The following PCDH11X variants were observed in gnomAD, a reference collection of about 807,000 sequenced individuals.
The protein encoded by PCDH11X is protocadherin 11 X-linked.
Under a neutral mutation model 53.3 loss-of-function variants are expected in PCDH11X, and 18 were observed. That is an observed-to-expected ratio of 0.34 (90% CI 0.23 to 0.50). The LOEUF (loss-of-function observed/expected upper bound fraction) is 0.50. Among genes scored for constraint, PCDH11X ranks in the 20% least tolerant of loss-of-function variants. The probability of loss-of-function intolerance (pLI) is 0.98; values close to 1 mark genes in which losing one functional copy is unlikely to be tolerated. For missense variants in PCDH11X, 570 were observed against 1,032.4 expected (o/e 0.55, Z 6.14); for synonymous variants, 279 against 393.3 (o/e 0.71, Z 3.44).
intron 6 of PCDH11X, among the ~76,000 whole-genome samples, chrX:92,166,127 CACT>C (rs2065727901): frequency 9.3e-6 from 1 of 108,100 alleles, no homozygotes. Flanking sequence ...TATAGCTGAC[CACT>C]GTTTTTTATT....
At position 91,923,473 on chromosome X, in the gene PCDH11X, C is replaced by T. The variant is rs373542014; in HGVS notation, c.3033+44200C>T. Among the ~76,000 whole-genome samples the T allele has an allele frequency of 3.6e-3, 389 of 108,511 alleles. 2 individuals carry two copies. Among genetic ancestry groups the T allele is most frequent in the African/African-American group, 0.013 (372 of 29,737 alleles). 94.2% of individuals were successfully genotyped at this position (108,511 alleles called of 115,157 possible). A position where few individuals can be genotyped will look rare whatever the true frequency, so the allele number is the denominator to read the frequency against. ...TCTCCTGTGCTGGATGCTTCCTGCT[C>T]TTGAATATCAGACTCCAAATTCTTT... On this transcript the variant is annotated intron_variant, in intron 6 of 10. Transcript: ENST00000682573.
At chrX:91,906,340 A>C (rs1383406216) in intron 6 of PCDH11X, among the ~76,000 whole-genome samples, 1 of 110,434 alleles carries the variant, frequency 9.1e-6, no homozygotes, top group African/African-American at 3.3e-5. Context: ...AGTACAGAAG[A>C]CTTCACCTTC....
chrX:91,816,968 A>C (rs984922388), intron 4 of PCDH11X, among the ~76,000 whole-genome samples: 13 of 105,467 alleles, frequency 1.2e-4, no homozygotes, highest in Non-Finnish European at 1.8e-4. Flanking sequence ...TCTTCATACT[A>C]TCTGTATAAG....
At chrX:92,204,073 G>T (rs901094441) in intron 7 of PCDH11X, among the ~76,000 whole-genome samples, 10 of 111,724 alleles carry the variant, frequency 9.0e-5, no homozygotes, top group Non-Finnish European at 9.4e-5. Flanking sequence ...TCCTGAGGCT[G>T]CACAGAGTAA....
At chrX:92,417,032 G>A (rs1303767495) in intron 9 of PCDH11X, among the ~76,000 whole-genome samples, 2 of 110,277 alleles carry the variant, frequency 1.8e-5, no homozygotes, top group Non-Finnish European at 3.8e-5. Context: ...GACAGAGGTG[G>A]GTGGATGACT....
chrX:91,965,633 C>G (rs532224583), intron 6 of PCDH11X, among the ~76,000 whole-genome samples: 1 of 109,016 alleles, frequency 9.2e-6, no homozygotes, highest in South Asian at 4.1e-4. Flanking sequence ...TTCTTTGTCC[C>G]AGCTTAAGAT....
At chrX:92,155,797 T>G (rs1207877280) in intron 6 of PCDH11X, among the ~76,000 whole-genome samples, 1 of 108,672 alleles carries the variant, frequency 9.2e-6, no homozygotes, top group Non-Finnish European at 1.9e-5. Flanking sequence ...CGGCTAATTT[T>G]TTTTGTATTT....
At chrX:92,050,738 G>C (rs1274015460) in intron 6 of PCDH11X, among the ~76,000 whole-genome samples, 1 of 110,331 alleles carries the variant, frequency 9.1e-6, no homozygotes, top group African/African-American at 3.3e-5. Context: ...GTAGTTTCTA[G>C]CAGACAGAGT....
At chrX:92,070,800 T>C (rs1395329079) in intron 6 of PCDH11X, among the ~76,000 whole-genome samples, 1 of 110,811 alleles carries the variant, frequency 9.0e-6, no homozygotes, top group East Asian at 2.8e-4. Context: ...CCAGTAACTC[T>C]TTTTTGTTGT....
chrX:91,846,617 C>CAA (rs1265926166), intron 5 of PCDH11X, among the ~76,000 whole-genome samples: 1 of 81,663 alleles, frequency 1.2e-5, no homozygotes, highest in African/African-American at 4.5e-5. Flanking sequence ...GACTCCATCT[C>CAA]AAAAAAAAAA....
At chrX:91,868,632 T>C (rs1324339995) in intron 5 of PCDH11X, among the ~76,000 whole-genome samples, 3 of 111,929 alleles carry the variant, frequency 2.7e-5, no homozygotes. Context: ...TGACTTCCTT[T>C]ACCTGAGGTT....
chrX:91,967,011 G>T, intron 6 of PCDH11X, among the ~76,000 whole-genome samples: 1 of 85,655 alleles, frequency 1.2e-5, no homozygotes, highest in African/African-American at 4.7e-5. Context: ...GCCCCAATGT[G>T]TGTTGTTCCC....
intron 8 of PCDH11X, among the ~76,000 whole-genome samples, chrX:92,369,510 A>G (rs1014428356): frequency 1.8e-5 from 2 of 110,598 alleles, no homozygotes; most frequent in African/African-American, 6.6e-5. Context: ...CTCCCTTTCC[A>G]GGGGAGTGAA....
intron 6 of PCDH11X, among the ~76,000 whole-genome samples, chrX:91,907,189 A>T (rs1306182493): frequency 1.3e-4 from 14 of 110,433 alleles, no homozygotes; most frequent in Non-Finnish European, 2.6e-4. Flanking sequence ...CACTATTATA[A>T]TTCTAAGACA....
chrX:92,517,677 G>A (rs903702863), intron 10 of PCDH11X, among the ~76,000 whole-genome samples: 3 of 109,768 alleles, frequency 2.7e-5, no homozygotes, highest in Non-Finnish European at 5.7e-5. Context: ...TTAATTATAC[G>A]AAAATTAATA....
In PCDH11X at chrX:92,377,215, A is replaced by T. The variant is rs2070772797; in HGVS notation, c.3145-10520A>T. Among the ~76,000 whole-genome samples the T allele has an allele frequency of 2.7e-5, 3 of 111,724 alleles. No homozygotes were observed. In the Admixed American group the frequency reaches 2.9e-4, roughly 11 times the overall value. The stretch of plus-strand genomic sequence containing the variant: ...AATAAACCATTGAATGCACCTCAGA[A>T]ATCAGAACTTTTGGAAGGCTCATTG... On this transcript the variant is annotated intron_variant, in intron 8 of 10. Transcript: ENST00000682573.
intron 6 of PCDH11X, among the ~76,000 whole-genome samples, chrX:91,902,493 A>T (rs1209709889): frequency 2.0e-5 from 2 of 100,997 alleles, no homozygotes; most frequent in East Asian, 6.6e-4. Context: ...TCATCTGTCC[A>T]CTGCATAAGT....
In PCDH11X at chrX:92,182,603, G is replaced by A. The variant is rs562550629; in HGVS notation, c.3034-18772G>A. Among the ~76,000 whole-genome samples, 3 of 111,425 alleles carry A rather than the reference G, an allele frequency of 2.7e-5. No homozygotes were observed. In the South Asian group the frequency reaches 1.1e-3, roughly 42 times the overall value. The stretch of plus-strand genomic sequence containing the variant: ...AGTGGGAAGTAATTTAATCATGGGG[G>A]CAAGTCTTTCCCATGTTGTTCTTGT... On this transcript the variant is annotated intron_variant, in intron 6 of 10. Coordinates refer to ENST00000682573, the MANE Select transcript of PCDH11X (RefSeq NM_032968.5).
intron 8 of PCDH11X, among the ~76,000 whole-genome samples, chrX:92,366,236 T>C (rs1323790330): frequency 1.8e-5 from 2 of 111,693 alleles, no homozygotes; most frequent in African/African-American, 6.5e-5. Flanking sequence ...TGTCCAGTAA[T>C]TTATCCATTT....
Sources: allele counts gnomAD v4.1 joint callset (sites outside exome capture counted in the v4.1 genomes callset), GRCh38; gene constraint gnomAD v4.1.1; transcripts MANE v1.5; gene names NCBI Gene and HGNC (gene_info 2026-07-23, HGNC 2026-07-21).